The following DARS1 variants were observed in gnomAD, a reference collection of about 807,000 sequenced individuals.
DARS1 encodes the protein aspartyl-tRNA synthetase 1.
DARS1 carries 51 observed loss-of-function variants against 68.8 expected under a neutral mutation model. That is an observed-to-expected ratio of 0.74 (90% CI 0.59 to 0.94). The LOEUF (loss-of-function observed/expected upper bound fraction) is 0.94. Among genes scored for constraint, DARS1 ranks in the 40% least tolerant of loss-of-function variants. The probability of loss-of-function intolerance (pLI) is 0.00; values close to 1 mark genes in which losing one functional copy is unlikely to be tolerated. For synonymous variants in DARS1, 203 were observed against 190.4 expected, an observed-to-expected ratio of 1.07 and a Z score of -0.55; for missense variants, 607 against 597.3, an observed-to-expected ratio of 1.02 and a Z score of -0.17.
At chr2:135,911,952 C>T (rs1680905003) in intron 13 of DARS1, among the ~76,000 whole-genome samples, 1 of 152,076 alleles carries the variant, frequency 6.6e-6, no homozygotes, top group Non-Finnish European at 1.5e-5. Context: ...AAATTTTTTA[C>T]TTGGTCTGGA....
chr2:135,940,831 T>C (rs773989284), intron 5 of DARS1, among the ~76,000 whole-genome samples: 1 of 152,150 alleles, frequency 6.6e-6, no homozygotes, highest in Non-Finnish European at 1.5e-5. Flanking sequence ...ACAAAATCAA[T>C]GTACAAAAAT....
At chr2:135,941,174 T>C (rs966723683) in intron 5 of DARS1, among the ~76,000 whole-genome samples, 5 of 152,076 alleles carry the variant, frequency 3.3e-5, no homozygotes, top group African/African-American at 1.2e-4. Context: ...AAAGTTCATA[T>C]GGAACCAAAA....
At chr2:135,912,395 T>A (rs1298816726) in intron 13 of DARS1, 91 bp downstream of exon 13, 9 of 559,334 alleles carry the variant, frequency 1.6e-5, no homozygotes, top group Non-Finnish European at 2.9e-5. Context: ...AAATTATTAA[T>A]GAAAACCATT....
intron 1 of DARS1, chr2:135,985,125 C>T (rs999755347): frequency 1.2e-5 from 6 of 508,928 alleles, no homozygotes; most frequent in African/African-American, 7.6e-5. Context: ...TGACGCCGCG[C>T]TCCTACTTCC....
chr2:135,913,253 A>G (rs1680934277), intron 12 of DARS1, among the ~76,000 whole-genome samples: 1 of 152,130 alleles, frequency 6.6e-6, no homozygotes, highest in Admixed American at 6.6e-5. Flanking sequence ...TTATTTTGGG[A>G]AATTTGATGT....
intron 3 of DARS1, among the ~76,000 whole-genome samples, chr2:135,977,808 G>A (rs1247563448): frequency 6.6e-6 from 1 of 152,160 alleles, no homozygotes; most frequent in Non-Finnish European, 1.5e-5. Flanking sequence ...TAATGGGCAT[G>A]TATTAATTCT....
At chr2:135,968,128 T>A (rs1374284327) in intron 3 of DARS1, among the ~76,000 whole-genome samples, 1 of 151,912 alleles carries the variant, frequency 6.6e-6, no homozygotes, top group African/African-American at 2.4e-5. Context: ...GATATGGTGG[T>A]GCATGCCTGT....
chr2:135,928,002 TACA>T (rs1328566365), intron 7 of DARS1, among the ~76,000 whole-genome samples: 1 of 152,082 alleles, frequency 6.6e-6, no homozygotes, highest in Non-Finnish European at 1.5e-5. Context: ...GAGAGGCAGG[TACA>T]TGGAGAGAAG....
intron 3 of DARS1, among the ~76,000 whole-genome samples, chr2:135,969,926 G>T (rs576273982): frequency 3.9e-4 from 60 of 152,082 alleles, no homozygotes; most frequent in Admixed American, 7.2e-4. Context: ...ATATATTGGT[G>T]AGCCATTAAC....
At chr2:135,971,284 A>C (rs1682362587) in intron 3 of DARS1, among the ~76,000 whole-genome samples, 1 of 152,210 alleles carries the variant, frequency 6.6e-6, no homozygotes, top group Non-Finnish European at 1.5e-5. Context: ...AGGAGGTTCA[A>C]AATATACAAA....
intron 4 of DARS1, among the ~76,000 whole-genome samples, chr2:135,952,274 GT>G (rs200431445): frequency 2.3e-4 from 34 of 148,046 alleles, no homozygotes; most frequent in African/African-American, 5.7e-4. Context: ...CATTAATGAA[GT>G]TTTTTTTTTT....
intron 4 of DARS1, among the ~76,000 whole-genome samples, chr2:135,958,519 G>C (rs1682027522): frequency 6.6e-6 from 1 of 152,158 alleles, no homozygotes. Context: ...TCTAAAAGTA[G>C]ACTTCTCCTA....
At chr2:135,966,663 C>G (rs562601278) in intron 3 of DARS1, among the ~76,000 whole-genome samples, 1 of 152,250 alleles carries the variant, frequency 6.6e-6, no homozygotes, top group South Asian at 2.1e-4. Flanking sequence ...TCTCGAGTAG[C>G]TGGGATTACA....
In DARS1 at chr2:135,922,738, T is replaced by C. The variant is rs566148971; in HGVS notation, c.811+46A>G. ...AAAATGTTTCTAAAATTATAACTGC[T>C]GTATAATTAATTAACTTGGATAAAA... On this transcript the variant is annotated intron_variant, in intron 9 of 15. Transcript: ENST00000264161. 6.0e-6 allele frequency: 9 copies of C among 1,490,428 alleles called. No homozygotes were observed. The South Asian group carries it at 1.2e-4, about 19-fold the overall frequency. The allele number at this position is 1,490,428 out of a possible 1,614,324, so 92.3% of individuals were successfully genotyped here.
intron 7 of DARS1, among the ~76,000 whole-genome samples, chr2:135,926,867 T>A (rs1681222444): frequency 6.6e-6 from 1 of 152,176 alleles, no homozygotes; most frequent in South Asian, 2.1e-4. Context: ...AGTCAGTTAA[T>A]TTAGCAGAGG....
At chr2:135,975,763 A>G (rs1178425109) in intron 3 of DARS1, among the ~76,000 whole-genome samples, 4 of 151,772 alleles carry the variant, frequency 2.6e-5, no homozygotes, top group African/African-American at 9.7e-5. Context: ...CAAAAAAAAA[A>G]AAAAAAAAGC....
rs1682415242 is a variant in DARS1 at position 135,973,050 on chromosome 2, A to T, written c.217+6224T>A. Among the ~76,000 whole-genome samples the T allele has an allele frequency of 5.3e-5, 8 of 152,224 alleles. 1 individual carries two copies. On this transcript the variant is annotated intron_variant, in intron 3 of 15. Transcript: ENST00000264161. ...AAACTAAAAATAGAGTTACCACATG[A>T]TCCAGCAATCCCACTGTTGGGTATA...
intron 10 of DARS1, among the ~76,000 whole-genome samples, chr2:135,917,076 G>A (rs1344396504): frequency 1.3e-5 from 2 of 152,074 alleles, no homozygotes; most frequent in Non-Finnish European, 2.9e-5. Context: ...CAGGAGAATT[G>A]TTTGGGCCTG....
At chr2:135,979,530 A>T (rs1682576093) in intron 2 of DARS1, among the ~76,000 whole-genome samples, 164 bp from the exon 3 acceptor site, 1 of 152,158 alleles carries the variant, frequency 6.6e-6, no homozygotes, top group Non-Finnish European at 1.5e-5. Flanking sequence ...TCCATGTGCA[A>T]TTTGCCTCAA....
Sources: gnomAD v4.1 joint callset for allele counts (sites outside exome capture counted in the v4.1 genomes callset) on GRCh38, gnomAD v4.1.1 for gene constraint, MANE v1.5 for transcripts, NCBI Gene and HGNC (gene_info 2026-07-23, HGNC 2026-07-21) for gene names.